Variants in CLNK observed in about 807,000 individuals in gnomAD.
CLNK encodes cytokine-dependent hematopoietic cell linker.
In CLNK, 74 loss-of-function variants were observed where a neutral mutation model predicts 68.6. The observed-to-expected ratio is 1.08, with a 90% CI of 0.89 to 1.31. The LOEUF is 1.31. Among genes scored for constraint, CLNK ranks in the 50% most tolerant of loss-of-function variants. The pLI is 0.00. For synonymous variants in CLNK, 198 were observed against 172.2 expected, an observed-to-expected ratio of 1.15 and a Z score of -1.17; for missense variants, 553 against 515.3, an observed-to-expected ratio of 1.07 and a Z score of -0.71.
intron 16 of CLNK, among the ~76,000 whole-genome samples, chr4:10,508,679 C>T (rs1318064192): frequency 6.6e-6 from 1 of 152,150 alleles, no homozygotes; most frequent in African/African-American, 2.4e-5. Flanking sequence ...TATTAAATAA[C>T]CCCCCTTGTG....
chr4:10,697,689 G>A, the CLNK span: 1 of 152,162 alleles, frequency 6.6e-6, no homozygotes, highest in Non-Finnish European at 1.5e-5. Context: ...GAATAAATTT[G>A]CTTTTAATTT....
intron 3 of CLNK, among the ~76,000 whole-genome samples, chr4:10,587,217 CA>C (rs1560229667): frequency 6.6e-6 from 1 of 152,198 alleles, no homozygotes; most frequent in South Asian, 2.1e-4. Context: ...CCACCCGCCT[CA>C]GCCTCCCAAA....
chr4:10,657,501 A>G (rs978826070), intron 2 of CLNK, among the ~76,000 whole-genome samples: 1 of 152,242 alleles, frequency 6.6e-6, no homozygotes, highest in African/African-American at 2.4e-5. Context: ...ATTAAAAGAG[A>G]AAATGAAACC....
chr4:10,593,225 C>G (rs940863115), intron 3 of CLNK, among the ~76,000 whole-genome samples: 1 of 152,174 alleles, frequency 6.6e-6, no homozygotes, highest in African/African-American at 2.4e-5. Context: ...TTATGGCTCT[C>G]TCAGTGCTGC....
chr4:10,496,903 C>CACAAA, intron 18 of CLNK, among the ~76,000 whole-genome samples: 2 of 152,166 alleles, frequency 1.3e-5, no homozygotes, highest in African/African-American at 4.8e-5. Context: ...CTCTTGAGCC[C>CACAAA]CTATGCCGGG....
chr4:10,535,641 T>A (rs980227301), intron 11 of CLNK, among the ~76,000 whole-genome samples: 1 of 152,222 alleles, frequency 6.6e-6, no homozygotes, highest in Non-Finnish European at 1.5e-5. Flanking sequence ...CCTTTTTAAT[T>A]GTCTTTCAGA....
At chr4:10,719,033 C>A in the CLNK span, among the ~76,000 whole-genome samples, 1 of 151,768 alleles carries the variant, frequency 6.6e-6, no homozygotes, top group African/African-American at 2.4e-5. Context: ...AATAAATAAA[C>A]CTCTTCAAAA....
At position 10,584,871 on chromosome 4, in the gene CLNK, C is replaced by G. The variant is rs950529856; in HGVS notation, c.112+56G>C. On this transcript the variant is annotated intron_variant, in intron 4 of 18. Coordinates refer to ENST00000226951, the MANE Select transcript of CLNK (RefSeq NM_052964.4). ...AACAAAAAAGAATGGAAATAACAGC[C>G]CAACAGACCCATGCTGACATTCCCA... The G allele has an allele frequency of 1.9e-6, 3 of 1,562,482 alleles. No individual in the cohort carries two copies. The African/African-American group carries it at 4.1e-5, about 21-fold the overall frequency.
chr4:10,569,107 G>A (rs967192741), intron 5 of CLNK, among the ~76,000 whole-genome samples: 1 of 151,430 alleles, frequency 6.6e-6, no homozygotes, highest in African/African-American at 2.4e-5. Flanking sequence ...GAGAATTTAG[G>A]TAAAATGTAT....
chr4:10,703,279 G>A, the CLNK span, among the ~76,000 whole-genome samples: 1 of 152,100 alleles, frequency 6.6e-6, no homozygotes, highest in Non-Finnish European at 1.5e-5. Flanking sequence ...TCATTCAGAT[G>A]CCAGGAATCG....
At chr4:10,492,870 G>A (rs535892947) in intron 18 of CLNK, among the ~76,000 whole-genome samples, 4 of 152,228 alleles carry the variant, frequency 2.6e-5, no homozygotes, top group South Asian at 2.1e-4. Flanking sequence ...CTTCTCTCCC[G>A]CCTGAGCTCA....
chr4:10,622,482 T>G (rs1302454157), intron 2 of CLNK, among the ~76,000 whole-genome samples: 1 of 152,176 alleles, frequency 6.6e-6, no homozygotes, highest in Admixed American at 6.5e-5. Context: ...ATAACAGGCA[T>G]GAAAGCCCTG....
intron 2 of CLNK, among the ~76,000 whole-genome samples, chr4:10,653,079 C>CTAACA (rs1028477834): frequency 2.0e-5 from 3 of 152,124 alleles, no homozygotes; most frequent in African/African-American, 7.2e-5. Context: ...TCACAGCAAA[C>CTAACA]TAACACAAGA....
At chr4:10,536,265 G>T (rs190518697) in intron 11 of CLNK, among the ~76,000 whole-genome samples, 8 of 152,338 alleles carry the variant, frequency 5.3e-5, no homozygotes, top group African/African-American at 1.9e-4. Flanking sequence ...CCAACAGCTG[G>T]CAGAGACGGA....
At chr4:10,717,798 T>C in the CLNK span, among the ~76,000 whole-genome samples, 1 of 152,202 alleles carries the variant, frequency 6.6e-6, no homozygotes, top group Admixed American at 6.5e-5. Flanking sequence ...ATACCTGGAA[T>C]ATGCAGTTTT....
chr4:10,583,031 T>C (rs1233607830), intron 4 of CLNK, among the ~76,000 whole-genome samples: 1 of 152,234 alleles, frequency 6.6e-6, no homozygotes, highest in Non-Finnish European at 1.5e-5. Flanking sequence ...TTCCTAGTAT[T>C]TTCTCGCATG....
chr4:10,530,917 C>G (rs1718508343), intron 12 of CLNK, among the ~76,000 whole-genome samples: 1 of 152,186 alleles, frequency 6.6e-6, no homozygotes, highest in Non-Finnish European at 1.5e-5. Context: ...TCAGTGGAAC[C>G]AGAACTGTTC....
At chr4:10,588,080 CA>C (rs1721036449) in intron 3 of CLNK, among the ~76,000 whole-genome samples, 1 of 152,164 alleles carries the variant, frequency 6.6e-6, no homozygotes, top group Non-Finnish European at 1.5e-5. Context: ...CCAGGACTTG[CA>C]ACTCATGACA....
At chr4:10,688,904 A>G (rs546964983), upstream of CLNK, among the ~76,000 whole-genome samples, 21 of 152,162 alleles carry the variant, frequency 1.4e-4, no homozygotes, top group African/African-American at 1.9e-4. Flanking sequence ...CAAGAAAGAA[A>G]AAAATAGTAC....
Sources: allele counts gnomAD v4.1 joint callset (sites outside exome capture counted in the v4.1 genomes callset), GRCh38; gene constraint gnomAD v4.1.1; transcripts MANE v1.5; gene names NCBI Gene and HGNC (gene_info 2026-07-23, HGNC 2026-07-21).